Variants in CPEB1 observed in about 807,000 individuals in gnomAD.
The protein encoded by CPEB1 is cytoplasmic polyadenylation element binding protein 1, also known as cytoplasmic polyadenylation element-binding protein 1.
In CPEB1, 7 loss-of-function variants were observed where a neutral mutation model predicts 65.8. The observed-to-expected ratio is 0.11, with a 90% CI of 0.06 to 0.20. CPEB1 has a LOEUF of 0.20. Among genes scored for constraint, CPEB1 ranks in the 10% least tolerant of loss-of-function variants. The pLI is 1.00. For synonymous variants in CPEB1, 262 were observed against 260.0 expected (o/e 1.01, Z -0.08); for missense variants, 551 against 712.2 (o/e 0.77, Z 2.58).
At chr15:82,598,345 T>C (rs2042826556) in intron 3 of CPEB1, among the ~76,000 whole-genome samples, 8 of 151,622 alleles carry the variant, frequency 5.3e-5, no homozygotes, top group Admixed American at 4.6e-4. Context: ...AATACAAAAA[T>C]TACCCGGGCA....
At chr15:82,544,829 A>T in intron 12 of CPEB1, 127 bp from the exon 13 acceptor site, 1 of 701,822 alleles carries the variant, frequency 1.4e-6, no homozygotes, top group Non-Finnish European at 2.5e-6. Flanking sequence ...GTGGGTTAGA[A>T]GAAATGGTCC....
chr15:82,629,898 C>T (rs931372897), intron 1 of CPEB1: 2 of 985,288 alleles, frequency 2.0e-6, no homozygotes, highest in Admixed American at 1.2e-4. Context: ...CTCACGTCAG[C>T]CTCAAGTTCT....
intron 2 of CPEB1, 82 bp from the exon 3 acceptor site, chr15:82,627,449 A>G (rs927143091): frequency 3.7e-6 from 4 of 1,072,398 alleles, no homozygotes; most frequent in Middle Eastern, 2.1e-4. Context: ...AATTAGATAA[A>G]GTAGGAAGGA....
intron 1 of CPEB1, chr15:82,637,864 T>G (rs2046789181): frequency 2.8e-6 from 1 of 356,480 alleles, no homozygotes; most frequent in Non-Finnish European, 5.6e-6. Flanking sequence ...GAGCTTTTTG[T>G]GTAAGTAGGT....
chr15:82,574,816 T>C (rs1392488058), intron 3 of CPEB1, among the ~76,000 whole-genome samples: 1 of 148,690 alleles, frequency 6.7e-6, no homozygotes, highest in Non-Finnish European at 1.5e-5. Flanking sequence ...ACAAAATTAA[T>C]ATACAGATGT....
intron 1 of CPEB1, among the ~76,000 whole-genome samples, chr15:82,640,066 G>C (rs1396195165): frequency 1.3e-5 from 2 of 152,082 alleles, no homozygotes; most frequent in African/African-American, 4.8e-5. Flanking sequence ...TTAGCTATGA[G>C]AACCACTATA....
Position 82,627,376 on chromosome 15 carries a change from AG to A in CPEB1, c.97-10del, listed in dbSNP as rs1567232085. The A allele has an allele frequency of 2.5e-6, 4 of 1,597,354 alleles. No individual in the cohort carries two copies. The Admixed American group carries it at 7.1e-5, about 29-fold the overall frequency. On this transcript the variant is annotated splice_polypyrimidine_tract_variant and intron_variant, in intron 2 of 12. Coordinates refer to ENST00000684509, the MANE Select transcript of CPEB1 (RefSeq NM_001365242.1). ...CTTCCTGCTTCTTCTTCCTAGACACAGAAAAAAAAAGATATTTAGGTTTTCT... is the reference window on the plus strand; with the variant it reads ...CTTCCTGCTTCTTCTTCCTAGACACAAAAAAAAAAGATATTTAGGTTTTCT...
intron 3 of CPEB1, among the ~76,000 whole-genome samples, chr15:82,596,336 G>T (rs868267209): frequency 2.0e-5 from 3 of 152,116 alleles, no homozygotes; most frequent in African/African-American, 7.2e-5. Context: ...ACTTGCAAAT[G>T]CAAGTATTAA....
At chr15:82,547,041 C>A (rs946722934) in intron 11 of CPEB1, 102 bp downstream of exon 11, 8 of 775,502 alleles carry the variant, frequency 1.0e-5, no homozygotes, top group Non-Finnish European at 1.5e-5. Context: ...TCCCTAAACA[C>A]ACCCAGCACA....
intron 6 of CPEB1, among the ~76,000 whole-genome samples, chr15:82,555,247 G>A (rs1291399977): frequency 6.6e-6 from 1 of 152,202 alleles, no homozygotes; most frequent in African/African-American, 2.4e-5. Context: ...GCAACTCCTC[G>A]GCTCAAGCCA....
chr15:82,618,017 T>G (rs1430376409), intron 3 of CPEB1, among the ~76,000 whole-genome samples: 2 of 152,076 alleles, frequency 1.3e-5, no homozygotes, highest in African/African-American at 4.8e-5. Flanking sequence ...ACAGGTAAAG[T>G]TTTTAATTTT....
chr15:82,600,569 A>G (rs2043017305), intron 3 of CPEB1, among the ~76,000 whole-genome samples: 1 of 152,158 alleles, frequency 6.6e-6, no homozygotes, highest in Non-Finnish European at 1.5e-5. Context: ...CAGCAACAGC[A>G]CAAAAGAAGT....
At chr15:82,629,803 A>G (rs2046088786) in intron 1 of CPEB1, 1 of 985,458 alleles carries the variant, frequency 1.0e-6, no homozygotes, top group Non-Finnish European at 1.2e-6. Flanking sequence ...TTGGCCTACT[A>G]AAATCCAAGT....
chr15:82,594,869 G>A (rs559406288), intron 3 of CPEB1, among the ~76,000 whole-genome samples: 15 of 152,204 alleles, frequency 9.9e-5, no homozygotes, highest in African/African-American at 3.6e-4. Flanking sequence ...CAAGAAAGTG[G>A]GAGAGAGACA....
At chr15:82,579,265 T>G (rs2040980437) in intron 3 of CPEB1, among the ~76,000 whole-genome samples, 1 of 152,090 alleles carries the variant, frequency 6.6e-6, no homozygotes, top group Non-Finnish European at 1.5e-5. Flanking sequence ...AGTTCAAGAC[T>G]GCCTGGGCAA....
At chr15:82,629,460 A>G in intron 1 of CPEB1, 1 of 981,304 alleles carries the variant, frequency 1.0e-6, no homozygotes, top group Non-Finnish European at 1.2e-6. Flanking sequence ...ATATATATAT[A>G]TAAAAAATCA....
At chr15:82,635,374 T>C (rs1276652110) in intron 1 of CPEB1, among the ~76,000 whole-genome samples, 1 of 152,210 alleles carries the variant, frequency 6.6e-6, no homozygotes, top group Non-Finnish European at 1.5e-5. Context: ...TTTCTCTATT[T>C]GCTTTAGTCA....
chr15:82,616,673 G>A (rs2151275089), intron 3 of CPEB1, among the ~76,000 whole-genome samples: 1 of 151,936 alleles, frequency 6.6e-6, no homozygotes, highest in African/African-American at 2.4e-5. Flanking sequence ...CTCCCAAGTA[G>A]CTGGGATTAC....
intron 9 of CPEB1, among the ~76,000 whole-genome samples, chr15:82,551,843 A>C (rs778846017): frequency 3.3e-5 from 5 of 152,218 alleles, no homozygotes; most frequent in Non-Finnish European, 5.9e-5. Flanking sequence ...GTGATTCAGT[A>C]AGTCTGGGAT....
Sources: gnomAD v4.1 joint callset for allele counts (sites outside exome capture counted in the v4.1 genomes callset) on GRCh38, gnomAD v4.1.1 for gene constraint, MANE v1.5 for transcripts, NCBI Gene and HGNC (gene_info 2026-07-23, HGNC 2026-07-21) for gene names.